PTPRD: variants seen among roughly 807,000 people sequenced by gnomAD.
The protein encoded by PTPRD is protein tyrosine phosphatase receptor type D.
Under a neutral mutation model 214.5 loss-of-function variants are expected in PTPRD, and 34 were observed. The ratio of observed to expected loss-of-function variants is 0.16; its 90% CI spans 0.12 to 0.21. PTPRD has a LOEUF of 0.21. PTPRD is among the 10% of genes least tolerant of loss of function. The pLI is 1.00. For missense variants in PTPRD, 2,545 were observed against 2,398.7 expected (o/e 1.06, Z -1.27); for synonymous variants, 1,128 against 845.7 (o/e 1.33, Z -5.79).
chr9:10,260,608 T>C (rs978579449), intron 3 of PTPRD, among the ~76,000 whole-genome samples: 1 of 152,202 alleles, frequency 6.6e-6, no homozygotes, highest in Admixed American at 6.5e-5. Flanking sequence ...TCCTTAAGAA[T>C]GTCTAAATCT....
chr9:9,988,641 A>T (rs2095803240), intron 4 of PTPRD, among the ~76,000 whole-genome samples: 1 of 152,094 alleles, frequency 6.6e-6, no homozygotes, highest in Admixed American at 6.6e-5. Context: ...AGCCCAAATA[A>T]TGTCAGTTCT....
chr9:10,316,140 C>T (rs989872048), intron 3 of PTPRD, among the ~76,000 whole-genome samples: 2 of 144,696 alleles, frequency 1.4e-5, no homozygotes, highest in African/African-American at 2.6e-5. Context: ...CATATATACA[C>T]ATACATATGT....
At chr9:9,347,488 C>A (rs2049312912) in intron 9 of PTPRD, among the ~76,000 whole-genome samples, 1 of 151,794 alleles carries the variant, frequency 6.6e-6, no homozygotes, top group South Asian at 2.1e-4. Flanking sequence ...AGGGTAAAAC[C>A]ATTTGCTAAG....
At chr9:8,363,132 C>T (rs903405356) in intron 39 of PTPRD, among the ~76,000 whole-genome samples, 6 of 152,106 alleles carry the variant, frequency 3.9e-5, no homozygotes, top group Admixed American at 1.3e-4. Flanking sequence ...TACAAAAATC[C>T]AACAACCCTA....
chr9:10,590,217 T>C (rs2075071761), intron 2 of PTPRD, among the ~76,000 whole-genome samples: 1 of 152,034 alleles, frequency 6.6e-6, no homozygotes, highest in Non-Finnish European at 1.5e-5. Flanking sequence ...ATTAAGTCTA[T>C]AATATTTACT....
At chr9:8,366,023 C>G (rs1239782138) in intron 39 of PTPRD, among the ~76,000 whole-genome samples, 1 of 152,188 alleles carries the variant, frequency 6.6e-6, no homozygotes, top group Non-Finnish European at 1.5e-5. Flanking sequence ...GACATACCCT[C>G]CGTTCTGCCA....
chr9:9,185,888 T>C lies in PTPRD; in HGVS notation c.-202-2525A>G, dbSNP rs548205640. 1.7e-4 allele frequency among the ~76,000 whole-genome samples: 25 copies of C among 149,716 alleles called. 1 individual carries two copies. Among genetic ancestry groups the C allele is most frequent in the Admixed American group, 1.5e-3 (23 of 14,920 alleles). ...AATTTTTTTTCTTTTTTTTTTTGCC[T>C]CTCAGACCACCACACAAGTGCCTTT... On this transcript the variant is annotated intron_variant, in intron 9 of 45. Coordinates refer to ENST00000381196, the MANE Select transcript of PTPRD (RefSeq NM_002839.4).
intron 23 of PTPRD, among the ~76,000 whole-genome samples, chr9:8,503,359 C>T (rs1291990679): frequency 2.6e-5 from 4 of 152,048 alleles, no homozygotes; most frequent in African/African-American, 9.7e-5. Context: ...TTGTATAATT[C>T]ACTATGTCAA....
chr9:10,228,944 T>C (rs1212779646), intron 3 of PTPRD, among the ~76,000 whole-genome samples: 1 of 151,856 alleles, frequency 6.6e-6, no homozygotes, highest in Non-Finnish European at 1.5e-5. Context: ...GTAAAAACAC[T>C]AAATAAGGCA....
intron 11 of PTPRD, among the ~76,000 whole-genome samples, chr9:8,800,240 G>A (rs2096543972): frequency 6.6e-6 from 1 of 151,888 alleles, no homozygotes; most frequent in Admixed American, 6.6e-5. Context: ...TTTAAGGCAT[G>A]TATATTTAAA....
intron 11 of PTPRD, among the ~76,000 whole-genome samples, chr9:8,914,364 C>T (rs537374355): frequency 3.5e-4 from 53 of 152,184 alleles, no homozygotes; most frequent in African/African-American, 1.3e-3. Context: ...GCCATTTGTT[C>T]TGTTTTGCCA....
At chr9:8,502,326 A>G (rs2097427743) in intron 23 of PTPRD, among the ~76,000 whole-genome samples, 1 of 152,108 alleles carries the variant, frequency 6.6e-6, no homozygotes, top group South Asian at 2.1e-4. Flanking sequence ...GAATAAAGCA[A>G]TCCTATATTT....
chr9:8,386,980 T>C (rs1301939445), intron 37 of PTPRD, among the ~76,000 whole-genome samples: 3 of 152,168 alleles, frequency 2.0e-5, no homozygotes, highest in Admixed American at 1.3e-4. Flanking sequence ...CTTTTGGGCC[T>C]TGGGGTCCAG....
chr9:8,369,858 C>T (rs1423705725), intron 39 of PTPRD, among the ~76,000 whole-genome samples: 1 of 151,826 alleles, frequency 6.6e-6, no homozygotes, highest in African/African-American at 2.4e-5. Flanking sequence ...AACTGATTCA[C>T]TGAAATTACA....
chr9:9,309,808 T>A (rs1449590310), intron 9 of PTPRD, among the ~76,000 whole-genome samples: 1 of 152,220 alleles, frequency 6.6e-6, no homozygotes, highest in Non-Finnish European at 1.5e-5. Flanking sequence ...AAAATTAGAA[T>A]TTCCAAACTT....
intron 10 of PTPRD, among the ~76,000 whole-genome samples, chr9:9,158,097 T>G (rs948909083): frequency 2.6e-5 from 4 of 152,202 alleles, no homozygotes; most frequent in Admixed American, 6.5e-5. Flanking sequence ...ATGTACCATA[T>G]TTTCTTTATC....
chr9:9,804,880 A>G (rs1008064941), intron 5 of PTPRD, among the ~76,000 whole-genome samples: 1 of 151,738 alleles, frequency 6.6e-6, no homozygotes, highest in Non-Finnish European at 1.5e-5. Context: ...ACTTGATAGA[A>G]GAAATTCCTT....
chr9:9,594,419 G>C (rs1453696039), intron 7 of PTPRD, among the ~76,000 whole-genome samples: 1 of 152,078 alleles, frequency 6.6e-6, no homozygotes, highest in Non-Finnish European at 1.5e-5. Flanking sequence ...TTAGATTTAA[G>C]TCCTTGATGA....
intron 2 of PTPRD, among the ~76,000 whole-genome samples, chr9:10,444,862 T>G (rs2098787785): frequency 6.6e-6 from 1 of 151,976 alleles, no homozygotes; most frequent in African/African-American, 2.4e-5. Flanking sequence ...TTAAAATTGT[T>G]TCATGCATTA....
Sources: gnomAD v4.1 joint callset for allele counts (sites outside exome capture counted in the v4.1 genomes callset) on GRCh38, gnomAD v4.1.1 for gene constraint, MANE v1.5 for transcripts, NCBI Gene and HGNC (gene_info 2026-07-23, HGNC 2026-07-21) for gene names.